The following ORC2 variants were observed in gnomAD, a reference collection of about 807,000 sequenced individuals.
ORC2 encodes origin recognition complex protein 2 homolog.
ORC2 carries 37 observed loss-of-function variants against 77.7 expected under a neutral mutation model. That is an observed-to-expected ratio of 0.48 (90% CI 0.37 to 0.63). ORC2 has a LOEUF of 0.63. Among genes scored for constraint, ORC2 ranks in the 20% least tolerant of loss-of-function variants. ORC2 has a pLI of 0.00. For missense variants in ORC2, 557 were observed against 661.9 expected (o/e 0.84, Z 1.74); for synonymous variants, 201 against 229.5 (o/e 0.88, Z 1.12).
Position 200,933,889 on chromosome 2 carries a change from G to C in ORC2, c.794C>G (p.Ala265Gly), listed in dbSNP as rs1343542265. 1 of 1,599,004 alleles carries C rather than the reference G, an allele frequency of 6.3e-7. No homozygotes were observed. The highest frequency in any genetic ancestry group is 8.5e-7 in the Non-Finnish European group (1 of 1,170,482). Reference protein sequence around the residue: ...SDRTLQKLKRAKLDQQTLRNL... With the variant: ...SDRTLQKLKRGKLDQQTLRNL... ...CTTGTAACATACCTGATCCAGTTTA[G>C]CTCTCTTTAGCTTCTGCAGTGTTCT... The change falls in exon 10 of 18, where the codon GCT becomes GGT. Residue 265 changes from alanine to glycine, a missense_variant. Physicochemically the swap from Ala to Gly is moderately conservative, Grantham distance 60. Transcript: ENST00000234296.
intron 1 of ORC2, among the ~76,000 whole-genome samples, chr2:200,960,166 T>A (rs1284543465): frequency 6.6e-6 from 1 of 151,760 alleles, no homozygotes; most frequent in Non-Finnish European, 1.5e-5. Flanking sequence ...TTTGTAGAAA[T>A]GAGGTTTCAC....
chr2:200,924,812 G>A (rs1190595785), intron 13 of ORC2, among the ~76,000 whole-genome samples: 1 of 152,096 alleles, frequency 6.6e-6, no homozygotes, highest in Non-Finnish European at 1.5e-5. Context: ...AGGGTGGAGT[G>A]CAGTGGTATG....
chr2:200,957,092 C>T (rs747132739), intron 4 of ORC2, among the ~76,000 whole-genome samples: 12 of 152,158 alleles, frequency 7.9e-5, no homozygotes, highest in Non-Finnish European at 1.8e-4. Flanking sequence ...TTGAAAGGTG[C>T]AGCAAACCAC....
At chr2:200,916,655 C>T (rs1379062351) in intron 15 of ORC2, among the ~76,000 whole-genome samples, 4 of 152,108 alleles carry the variant, frequency 2.6e-5, no homozygotes, top group Non-Finnish European at 5.9e-5. Flanking sequence ...CCAATTCCAT[C>T]AAAAAATTTC....
intron 5 of ORC2, among the ~76,000 whole-genome samples, chr2:200,949,329 A>T (rs1239396663): frequency 6.6e-6 from 1 of 152,140 alleles, no homozygotes; most frequent in East Asian, 1.9e-4. Context: ...GAAGCTTATA[A>T]TCTAGCTGAA....
intron 1 of ORC2, among the ~76,000 whole-genome samples, chr2:200,960,981 C>T (rs1421846102): frequency 1.3e-5 from 2 of 151,912 alleles, no homozygotes; most frequent in Non-Finnish European, 2.9e-5. Flanking sequence ...TTCACCATGT[C>T]GGCCAGGATG....
chr2:200,948,215 A>G (rs2041287270), intron 5 of ORC2, among the ~76,000 whole-genome samples: 2 of 151,846 alleles, frequency 1.3e-5, no homozygotes, highest in South Asian at 4.2e-4. Context: ...ACCCAGCCTA[A>G]TTTTTAAATT....
At chr2:200,927,381 G>C (rs2040858294) in intron 11 of ORC2, among the ~76,000 whole-genome samples, 1 of 151,684 alleles carries the variant, frequency 6.6e-6, no homozygotes, top group Admixed American at 6.6e-5. Context: ...ACCATGTCTA[G>C]CCAAAAATAT....
At chr2:200,940,315 A>G (rs1193473263) in intron 7 of ORC2, among the ~76,000 whole-genome samples, 2 of 152,174 alleles carry the variant, frequency 1.3e-5, no homozygotes, top group African/African-American at 4.8e-5. Flanking sequence ...CACTGCAGAG[A>G]GCTACCTGTC....
chr2:200,929,698 G>A (rs2040904641), intron 11 of ORC2, among the ~76,000 whole-genome samples: 1 of 152,050 alleles, frequency 6.6e-6, no homozygotes, highest in Non-Finnish European at 1.5e-5. Flanking sequence ...TTGGGAAGCT[G>A]AGGTGGGAGG....
intron 5 of ORC2, 51 bp downstream of exon 5, chr2:200,949,503 C>T (rs1318835439): frequency 1.0e-6 from 1 of 984,768 alleles, no homozygotes; most frequent in African/African-American, 1.6e-5. Context: ...GTGGTTAAAT[C>T]TACCTTAGGA....
intron 15 of ORC2, among the ~76,000 whole-genome samples, chr2:200,917,889 T>C (rs2040684594): frequency 6.6e-6 from 1 of 151,540 alleles, no homozygotes; most frequent in Admixed American, 6.6e-5. Flanking sequence ...GAAAATAAAT[T>C]GCTAGGGGGG....
In ORC2 at chr2:200,941,259, C is replaced by T; in HGVS notation, c.442G>A (p.Val148Ile). The T allele has an allele frequency of 6.2e-7, 1 of 1,610,380 alleles. No homozygotes were observed. The highest frequency in any genetic ancestry group is 8.5e-7 in the Non-Finnish European group (1 of 1,177,410). ...SSKGHSASDK[V>I]QPKNNDKSEF... ...AGTCAATTGCTTACCTTCGGTTGAA[C>T]CTTGTCTGAAGCAGAATGGCCTAAA... The change falls in exon 7 of 18, where the codon GTT becomes ATT. Residue 148 changes from valine to isoleucine, a missense_variant. Transcript: ENST00000234296.
chr2:200,944,393 T>G (rs1280756379), intron 5 of ORC2, among the ~76,000 whole-genome samples: 1 of 151,930 alleles, frequency 6.6e-6, no homozygotes, highest in Non-Finnish European at 1.5e-5. Context: ...CAGGCTAGTC[T>G]CAAACTCCTG....
At chr2:200,926,691 A>G in intron 12 of ORC2, 77 bp downstream of exon 12, 1 of 1,456,626 alleles carries the variant, frequency 6.9e-7, no homozygotes, top group Non-Finnish European at 9.5e-7. Context: ...ATTCTTTAAT[A>G]CTCCATCCTC....
rs1387798022 is a variant in ORC2, at chr2:200,929,544, A to C, written c.917+1795T>G. ...TGTGGCTCACACCTGTAATCCCAGC[A>C]GTTTTGGAAGCCAAGGCAGAGAATT... On this transcript the variant is annotated intron_variant, in intron 11 of 17. Transcript: ENST00000234296. Among the ~76,000 whole-genome samples the C allele has an allele frequency of 2.0e-5, 3 of 152,180 alleles. No homozygotes were observed. The East Asian group carries it at 5.8e-4, about 29-fold the overall frequency.
Position 200,909,343 on chromosome 2 carries a change from A to C in ORC2, c.*1958T>G, listed in dbSNP as rs902556384. 1 of 152,194 alleles carries C rather than the reference A, an allele frequency of 6.6e-6. No individual in the cohort carries two copies. Among genetic ancestry groups the C allele is most frequent in the Non-Finnish European group, 1.5e-5 (1 of 68,034 alleles). 9.4% of individuals were successfully genotyped at this position (152,194 alleles called of 1,614,324 possible). ...CTTTCACTGAATATCCTTTGGTACT[A>C]TTAAAAAAATTTTTTTAAATCACAT... On this transcript the variant is annotated 3_prime_UTR_variant, in exon 18 of 18. Coordinates refer to ENST00000234296, the MANE Select transcript of ORC2 (RefSeq NM_006190.5).
chr2:200,937,185 G>T (rs2041063753), intron 8 of ORC2, among the ~76,000 whole-genome samples: 2 of 152,024 alleles, frequency 1.3e-5, no homozygotes, highest in Admixed American at 1.3e-4. Context: ...GAAGGAAGAG[G>T]GAAGTTCACC....
At chr2:200,952,302 C>T (rs1365402437) in intron 4 of ORC2, among the ~76,000 whole-genome samples, 2 of 151,950 alleles carry the variant, frequency 1.3e-5, no homozygotes, top group Admixed American at 1.3e-4. Context: ...CTCTGTCGCC[C>T]AGGCTGGAGT....
Sources: gnomAD v4.1 joint callset for allele counts (sites outside exome capture counted in the v4.1 genomes callset) on GRCh38, gnomAD v4.1.1 for gene constraint, MANE v1.5 for transcripts, NCBI Gene and HGNC (gene_info 2026-07-23, HGNC 2026-07-21) for gene names.